TMCC1: variants seen among roughly 807,000 people sequenced by gnomAD.
TMCC1 encodes the protein transmembrane and coiled-coil domains protein 1.
A neutral mutation model predicts 52.4 loss-of-function variants in TMCC1; 15 were observed. The observed-to-expected ratio is 0.29, with a 90% CI of 0.19 to 0.44. TMCC1 has a LOEUF of 0.44. Ranked by LOEUF, TMCC1 falls within the 20% of genes least tolerant of loss-of-function variation. The pLI is 1.00. For synonymous variants in TMCC1, 279 were observed against 301.9 expected (o/e 0.92, Z 0.79); for missense variants, 503 against 806.0 (o/e 0.62, Z 4.55).
chr3:129,766,447 T>C (rs1334544158), intron 4 of TMCC1, among the ~76,000 whole-genome samples: 4 of 152,186 alleles, frequency 2.6e-5, no homozygotes, highest in Non-Finnish European at 5.9e-5. Context: ...TGCTGAAACA[T>C]TGCTGTATAT....
At chr3:129,801,777 G>A (rs2057212050) in intron 4 of TMCC1, among the ~76,000 whole-genome samples, 2 of 152,196 alleles carry the variant, frequency 1.3e-5, no homozygotes, top group South Asian at 4.1e-4. Context: ...TAGGGTAGAT[G>A]CTAACATATG....
intron 4 of TMCC1, among the ~76,000 whole-genome samples, chr3:129,760,887 C>A (rs1446146560): frequency 6.6e-6 from 1 of 152,028 alleles, no homozygotes; most frequent in Non-Finnish European, 1.5e-5. Context: ...GCTAGAATTA[C>A]AGGTGTGAGC....
chr3:129,770,616 TG>T (rs2054491391), intron 4 of TMCC1, among the ~76,000 whole-genome samples: 1 of 150,720 alleles, frequency 6.6e-6, no homozygotes, highest in African/African-American at 2.4e-5. Flanking sequence ...TGAAATGAAA[TG>T]AAATGAAATG....
At chr3:129,814,205 A>T (rs1272252980) in intron 4 of TMCC1, among the ~76,000 whole-genome samples, 2 of 152,134 alleles carry the variant, frequency 1.3e-5, no homozygotes, top group Non-Finnish European at 2.9e-5. Flanking sequence ...TGTACTCCTG[A>T]ACCAGATCTT....
At chr3:129,681,105 T>C (rs1052808327) in intron 4 of TMCC1, among the ~76,000 whole-genome samples, 9 of 152,118 alleles carry the variant, frequency 5.9e-5, no homozygotes, top group African/African-American at 2.2e-4. Flanking sequence ...AATAATTTGT[T>C]TTAATATGTA....
At chr3:129,668,058 C>T (rs2087611526) in intron 5 of TMCC1, among the ~76,000 whole-genome samples, 1 of 152,118 alleles carries the variant, frequency 6.6e-6, no homozygotes, top group Non-Finnish European at 1.5e-5. Flanking sequence ...CGTGGTGGTG[C>T]ACACCTGTAG....
At chr3:129,847,060 A>C (rs1316730114) in intron 2 of TMCC1, 1 of 152,050 alleles carries the variant, frequency 6.6e-6, no homozygotes, top group Non-Finnish European at 1.5e-5. Flanking sequence ...CTCGGTCATG[A>C]AAATTGTTTT....
At chr3:129,794,959 A>T (rs1270383088) in intron 4 of TMCC1, among the ~76,000 whole-genome samples, 1 of 152,182 alleles carries the variant, frequency 6.6e-6, no homozygotes, top group Non-Finnish European at 1.5e-5. Context: ...CCCTGGCTGT[A>T]CCAGCTCCCT....
chr3:129,805,319 C>T lies in TMCC1; in HGVS notation c.576+22484G>A, dbSNP rs137903864. Among the ~76,000 whole-genome samples the T allele has an allele frequency of 4.0e-3, 605 of 152,154 alleles. 3 individuals carry two copies. Among genetic ancestry groups the T allele is most frequent in the African/African-American group, 0.014 (565 of 41,498 alleles). ...CTGAGATTGTGGGCACAGGCCACCA[C>T]GCCTGGCTATTGTTTTGTATTTTTG... On this transcript the variant is annotated intron_variant, in intron 4 of 6. Transcript: ENST00000393238.
intron 4 of TMCC1, among the ~76,000 whole-genome samples, chr3:129,725,682 T>C (rs1029838016): frequency 3.2e-4 from 48 of 149,642 alleles, no homozygotes; most frequent in African/African-American, 1.2e-3. Flanking sequence ...CTTTGAACAT[T>C]GATTTTTTTT....
intron 4 of TMCC1, among the ~76,000 whole-genome samples, chr3:129,734,422 T>G (rs1273873622): frequency 6.6e-6 from 1 of 152,152 alleles, no homozygotes; most frequent in Non-Finnish European, 1.5e-5. Context: ...GCAATACAAG[T>G]ACATAGACAT....
At chr3:129,655,730 T>C (rs529254636) in intron 5 of TMCC1, among the ~76,000 whole-genome samples, 2 of 152,140 alleles carry the variant, frequency 1.3e-5, no homozygotes, top group Non-Finnish European at 2.9e-5. Context: ...CCTCAGGAGT[T>C]TGTACTCTAA....
chr3:129,720,904 G>A (rs983639689), intron 4 of TMCC1, among the ~76,000 whole-genome samples: 1 of 151,800 alleles, frequency 6.6e-6, no homozygotes, highest in African/African-American at 2.4e-5. Flanking sequence ...TGTTGCTCAC[G>A]CTGGTCTTGA....
At chr3:129,704,904 A>G (rs1267761707) in intron 4 of TMCC1, among the ~76,000 whole-genome samples, 1 of 152,220 alleles carries the variant, frequency 6.6e-6, no homozygotes, top group African/African-American at 2.4e-5. Flanking sequence ...CCAGACCTTG[A>G]TTGAGCTGAT....
chr3:129,767,764 G>A (rs554593085), intron 4 of TMCC1, among the ~76,000 whole-genome samples: 1 of 152,190 alleles, frequency 6.6e-6, no homozygotes, highest in Non-Finnish European at 1.5e-5. Flanking sequence ...GTGACTTTCT[G>A]TGTCTGGATT....
intron 4 of TMCC1, among the ~76,000 whole-genome samples, chr3:129,824,114 T>C (rs2058552132): frequency 1.3e-5 from 2 of 152,172 alleles, no homozygotes; most frequent in African/African-American, 4.8e-5. Context: ...GGCAGGTGGA[T>C]CACTTGAGGT....
At chr3:129,856,803 C>G (rs900694786) in intron 2 of TMCC1, among the ~76,000 whole-genome samples, 1 of 152,146 alleles carries the variant, frequency 6.6e-6, no homozygotes, top group African/African-American at 2.4e-5. Context: ...TCAAGAAATT[C>G]TTTTAGGGAG....
chr3:129,683,597 A>AATTCTTTGCAT (rs1203226860), intron 4 of TMCC1, among the ~76,000 whole-genome samples: 1 of 152,052 alleles, frequency 6.6e-6, no homozygotes, highest in East Asian at 1.9e-4. Flanking sequence ...TTTGTTTTTC[A>AATTCTTTGCAT]TAGATTTAGG....
rs1395254279 is a variant in TMCC1 at position 129,750,139 on chromosome 3, G to C, written c.576+77664C>G. Among the ~76,000 whole-genome samples, 4 of 152,162 alleles carry C rather than the reference G, an allele frequency of 2.6e-5. No homozygotes were observed. In the East Asian group the frequency reaches 5.8e-4, roughly 22 times the overall value. The stretch of plus-strand genomic sequence containing the variant: ...AACATAAAGGAGTTGTTTCTCTTAG[G>C]TAAAAGAATGTTTCAAAATCTTGTC... On this transcript the variant is annotated intron_variant, in intron 4 of 6. Transcript: ENST00000393238.
Sources: allele counts gnomAD v4.1 joint callset (sites outside exome capture counted in the v4.1 genomes callset), GRCh38; gene constraint gnomAD v4.1.1; transcripts MANE v1.5; gene names NCBI Gene and HGNC (gene_info 2026-07-23, HGNC 2026-07-21).